Variants in FERMT2 observed in about 807,000 individuals in gnomAD.
FERMT2 encodes the protein FERM domain containing kindlin 2, also known as fermitin family homolog 2.
FERMT2 carries 15 observed loss-of-function variants against 82.7 expected under a neutral mutation model. That is an observed-to-expected ratio of 0.18 (90% CI 0.12 to 0.28). The LOEUF is 0.28. FERMT2 is among the 10% of genes least tolerant of loss of function. The pLI, the probability that FERMT2 is intolerant of heterozygous loss-of-function variation, is 1.00. For missense variants in FERMT2, 645 were observed against 809.4 expected, an observed-to-expected ratio of 0.80 and a Z score of 2.46; for synonymous variants, 274 against 271.5, an observed-to-expected ratio of 1.01 and a Z score of -0.09.
intron 4 of FERMT2, among the ~76,000 whole-genome samples, chr14:52,888,151 C>T (rs1886721160): frequency 6.6e-6 from 1 of 152,030 alleles, no homozygotes; most frequent in Non-Finnish European, 1.5e-5. Flanking sequence ...TACTCTCCAA[C>T]CATTAAAAAT....
intron 4 of FERMT2, among the ~76,000 whole-genome samples, chr14:52,884,700 A>T (rs774498794): frequency 7.2e-4 from 109 of 151,272 alleles, no homozygotes; most frequent in Admixed American, 1.4e-3. Context: ...ATTGGTGTGC[A>T]CCTATTTTTT....
rs970996451 is a variant in FERMT2 at position 52,857,501 on chromosome 14, G to A, written c.*876C>T. ...CATTGTGGCAAATCATGATCATAAT[G>A]AAGTCATTCTTAATTTAGTAGATAT... On this transcript the variant is annotated 3_prime_UTR_variant, in exon 15 of 15. Coordinates refer to ENST00000341590, the MANE Select transcript of FERMT2 (RefSeq NM_006832.3). 1 of 152,562 alleles carries A rather than the reference G, an allele frequency of 6.6e-6. No individual in the cohort carries two copies. The highest frequency in any genetic ancestry group is 2.4e-5 in the African/African-American group (1 of 41,430). 9.5% of individuals were successfully genotyped at this position (152,562 alleles called of 1,614,324 possible).
chr14:52,874,068 T>C (rs1885805125), intron 9 of FERMT2, 109 bp downstream of exon 9: 1 of 578,202 alleles, frequency 1.7e-6, no homozygotes, highest in Admixed American at 3.1e-5. Flanking sequence ...TAAATCCTTT[T>C]ACAGTAGATG....
At chr14:52,868,215 A>ATTTTTTT (rs5808693) in intron 10 of FERMT2, among the ~76,000 whole-genome samples, 1 of 143,608 alleles carries the variant, frequency 7.0e-6, no homozygotes. Flanking sequence ...CTCTCTAGGC[A>ATTTTTTT]TTTTTTTTTT....
At chr14:52,893,539 G>T in intron 3 of FERMT2, 112 bp from the exon 4 acceptor site, 1 of 789,618 alleles carries the variant, frequency 1.3e-6, no homozygotes. Flanking sequence ...GTATGTCTGA[G>T]TTGTGTCAGA....
At chr14:52,859,845 TC>T (rs1566713201) in intron 13 of FERMT2, 131 bp from the exon 14 acceptor site, 1 of 495,982 alleles carries the variant, frequency 2.0e-6, no homozygotes, top group Non-Finnish European at 3.3e-6. Flanking sequence ...TGAGACGGAG[TC>T]TTGCTCTGTT....
intron 4 of FERMT2, among the ~76,000 whole-genome samples, chr14:52,888,675 T>C (rs971915540): frequency 2.6e-5 from 4 of 152,286 alleles, no homozygotes; most frequent in South Asian, 2.1e-4. Flanking sequence ...AGAATTTCTA[T>C]GCATACCGGT....
rs114423738 is a variant in FERMT2 at position 52,900,288 on chromosome 14, G to A, written c.392-6861C>T. Among the ~76,000 whole-genome samples, 1,084 of 152,006 alleles carry A rather than the reference G, an allele frequency of 7.1e-3. 12 individuals are homozygous for A. Among genetic ancestry groups the A allele is most frequent in the African/African-American group, 0.025 (1,020 of 41,434 alleles). ...AGCCACTACACCCAGTGATAGCAACGAAATTTAATGTTCATTATAATTAGC... is the reference window on the plus strand; with the variant it reads ...AGCCACTACACCCAGTGATAGCAACAAAATTTAATGTTCATTATAATTAGC... On this transcript the variant is annotated intron_variant, in intron 3 of 14. Coordinates refer to ENST00000341590, the MANE Select transcript of FERMT2 (RefSeq NM_006832.3).
chr14:52,899,902 A>T (rs1341656267), intron 3 of FERMT2, among the ~76,000 whole-genome samples: 1 of 152,210 alleles, frequency 6.6e-6, no homozygotes, highest in Admixed American at 6.5e-5. Flanking sequence ...GGAGAAGAAC[A>T]TAAGTAAGTA....
chr14:52,936,558 G>A (rs1254413599), intron 2 of FERMT2, among the ~76,000 whole-genome samples: 1 of 152,064 alleles, frequency 6.6e-6, no homozygotes, highest in Non-Finnish European at 1.5e-5. Context: ...GGTTCCCTAG[G>A]ATTGCTCCCC....
At chr14:52,923,070 T>G (rs564710547) in intron 2 of FERMT2, among the ~76,000 whole-genome samples, 3 of 152,132 alleles carry the variant, frequency 2.0e-5, no homozygotes, top group Non-Finnish European at 4.4e-5. Flanking sequence ...GATAAATATT[T>G]GTGTAGCTAA....
intron 3 of FERMT2, among the ~76,000 whole-genome samples, chr14:52,917,328 T>C (rs865894906): frequency 2.0e-5 from 3 of 152,212 alleles, no homozygotes; most frequent in Middle Eastern, 3.4e-3. Flanking sequence ...CAGTACTGGA[T>C]ACACACTGAA....
chr14:52,950,704 C>T (rs1245942034), intron 1 of FERMT2, 127 bp from the exon 2 acceptor site: 8 of 911,962 alleles, frequency 8.8e-6, no homozygotes, highest in Non-Finnish European at 1.3e-5. Flanking sequence ...GGCAGAAACT[C>T]GGGAGGGCGG....
rs1232175540 is a variant in FERMT2 at position 52,881,420 on chromosome 14, A to G, written c.576T>C (p.Thr192=). The stretch of plus-strand genomic sequence containing the variant: ...AGGGGCTTCCATCATGAGCATCATA[A>G]GTGGGGGTCATTGTTTTACTATACA... ...PGLYSKTMTP[T]YDAHDGSPLS... is the part of the protein sequence containing the mutation. The change falls in exon 5 of 15, where the codon ACT becomes ACC. Residue 192 remains threonine (T), a synonymous_variant. Transcript: ENST00000341590. 3.1e-6 allele frequency: 5 copies of G among 1,614,020 alleles called. No individual in the cohort carries two copies. Among genetic ancestry groups the G allele is most frequent in the Non-Finnish European group, 4.2e-6 (5 of 1,179,982 alleles).
intron 2 of FERMT2, among the ~76,000 whole-genome samples, chr14:52,927,752 G>A (rs932163281): frequency 1.3e-5 from 2 of 152,028 alleles, no homozygotes; most frequent in African/African-American, 2.4e-5. Flanking sequence ...TTCTGCACGA[G>A]AGCTGGAGCC....
intron 3 of FERMT2, among the ~76,000 whole-genome samples, chr14:52,914,334 C>G (rs1888496602): frequency 6.6e-6 from 1 of 151,928 alleles, no homozygotes; most frequent in Non-Finnish European, 1.5e-5. Context: ...CACACCACTG[C>G]ACTCCAGCCT....
rs537697141 is a variant in FERMT2 at position 52,914,438 on chromosome 14, T to C, written c.391+4685A>G. Among the ~76,000 whole-genome samples, 10 of 152,106 alleles carry C rather than the reference T, an allele frequency of 6.6e-5. No individual in the cohort carries two copies. In the East Asian group the frequency reaches 1.7e-3, roughly 26 times the overall value. ...AAACAACAACAAATATTAAACTGAATGTCAAATGTTAAAAGCATTTCCATT... is the reference window on the plus strand; with the variant it reads ...AAACAACAACAAATATTAAACTGAACGTCAAATGTTAAAAGCATTTCCATT... On this transcript the variant is annotated intron_variant, in intron 3 of 14. Transcript: ENST00000341590.
At position 52,950,433 on chromosome 14, in the gene FERMT2, G is replaced by A. The variant is rs1387676054; in HGVS notation, c.136C>T (p.Leu46Phe). The A allele has an allele frequency of 2.5e-6, 4 of 1,613,868 alleles. No individual in the cohort carries two copies. In the South Asian group the frequency reaches 3.3e-5, roughly 13 times the overall value. Residue 46 changes from leucine to phenylalanine, a missense_variant, in exon 2 of 15, where the codon CTT (leucine) becomes TTT (phenylalanine). Transcript: ENST00000341590. ...TCACCGAGTTTCTCCACCAGCTTAA[G>A]CATCACGCCTCCAATGTGCACCTCG... ...TGEVHIGGVMLKLVEKLDVKK... is the reference protein window; with the variant it reads ...TGEVHIGGVMFKLVEKLDVKK...
intron 4 of FERMT2, among the ~76,000 whole-genome samples, chr14:52,891,381 GT>G (rs1466938994): frequency 6.6e-6 from 1 of 152,058 alleles, no homozygotes; most frequent in African/African-American, 2.4e-5. Context: ...TATAGTAACT[GT>G]TTTTCCACTA....
Sources: gnomAD v4.1 joint callset for allele counts (sites outside exome capture counted in the v4.1 genomes callset) on GRCh38, gnomAD v4.1.1 for gene constraint, MANE v1.5 for transcripts, NCBI Gene and HGNC (gene_info 2026-07-23, HGNC 2026-07-21) for gene names.